CUBN: variants seen among roughly 807,000 people sequenced by gnomAD.
CUBN encodes the protein 460 kDa receptor.
In CUBN, 282 loss-of-function variants were observed where a neutral mutation model predicts 405.3. The observed-to-expected ratio is 0.70, with a 90% CI of 0.63 to 0.77. The LOEUF (loss-of-function observed/expected upper bound fraction) is 0.77, where lower values mean the gene tolerates loss of function less well. Among genes scored for constraint, CUBN ranks in the 30% least tolerant of loss-of-function variants. The pLI is 0.00. For synonymous variants in CUBN, 1,684 were observed against 1,617.0 expected (o/e 1.04, Z -0.99); for missense variants, 4,514 against 4,475.2 (o/e 1.01, Z -0.25).
At chr10:17,074,816 C>G (rs1287946196) in intron 17 of CUBN, among the ~76,000 whole-genome samples, 1 of 152,078 alleles carries the variant, frequency 6.6e-6, no homozygotes, top group African/African-American at 2.4e-5. Flanking sequence ...TAATGTTATT[C>G]TTACAACTTT....
At chr10:17,076,445 T>C (rs1835855061) in intron 17 of CUBN, among the ~76,000 whole-genome samples, 1 of 149,944 alleles carries the variant, frequency 6.7e-6, no homozygotes, top group African/African-American at 2.5e-5. Context: ...ATGTATTGCG[T>C]TCAATAATCT....
At position 16,907,781 on chromosome 10, in the gene CUBN, C is replaced by T. The variant is rs1228749710; in HGVS notation, c.7534-102G>A. ...CCAGACCCACTTCCTTTTATGGGAACCCTGCCCCAAAATGAATGACCTAAC... is the reference window on the plus strand; with the variant it reads ...CCAGACCCACTTCCTTTTATGGGAATCCTGCCCCAAAATGAATGACCTAAC... On this transcript the variant is annotated intron_variant, in intron 48 of 66. Transcript: ENST00000377833. The T allele has an allele frequency of 1.2e-5, 15 of 1,201,390 alleles. No individual in the cohort carries two copies. The Admixed American group carries it at 2.2e-4, about 17-fold the overall frequency. The allele number at this position is 1,201,390 out of a possible 1,614,324, so 74.4% of individuals were successfully genotyped here.
At chr10:17,088,133 T>C (rs1332655708) in intron 15 of CUBN, 31 bp downstream of exon 15, 8 of 1,550,138 alleles carry the variant, frequency 5.2e-6, no homozygotes, top group Non-Finnish European at 7.1e-6. Flanking sequence ...AATCATATTG[T>C]GATATGTTCT....
At chr10:16,975,970 C>CT (rs536882786) in intron 31 of CUBN, among the ~76,000 whole-genome samples, 44,603 of 131,930 alleles carry the variant, frequency 0.34, 8,397 homozygotes, top group African/African-American at 0.51. Context: ...ACCTTTATTC[C>CT]TTTTTTTTTT....
intron 60 of CUBN, among the ~76,000 whole-genome samples, chr10:16,849,517 C>G (rs998423534): frequency 6.6e-6 from 1 of 152,202 alleles, no homozygotes. Flanking sequence ...CTTGCTCTCA[C>G]CAAACCACAC....
intron 66 of CUBN, among the ~76,000 whole-genome samples, chr10:16,828,091 T>C (rs908707145): frequency 2.0e-5 from 3 of 152,138 alleles, no homozygotes; most frequent in African/African-American, 7.2e-5. Context: ...GTGTCCAAAT[T>C]TTCTACAGTT....
chr10:16,923,520 T>C (rs2131475084), intron 43 of CUBN, among the ~76,000 whole-genome samples: 1 of 152,184 alleles, frequency 6.6e-6, no homozygotes, highest in African/African-American at 2.4e-5. Context: ...AGTTGGTAAG[T>C]AGAGAGAAAT....
intron 27 of CUBN, among the ~76,000 whole-genome samples, chr10:17,028,367 C>CA (rs1834718583): frequency 6.6e-6 from 1 of 151,742 alleles, no homozygotes; most frequent in Admixed American, 6.6e-5. Flanking sequence ...TGGAAGAAGC[C>CA]AGAGGACTGC....
chr10:17,078,615 T>C (rs868192056), intron 17 of CUBN, among the ~76,000 whole-genome samples: 1 of 152,152 alleles, frequency 6.6e-6, no homozygotes, highest in Non-Finnish European at 1.5e-5. Context: ...TTCCCTAGCA[T>C]GGTGACTGAA....
At chr10:16,863,029 T>C (rs571785578) in intron 59 of CUBN, among the ~76,000 whole-genome samples, 50 of 152,342 alleles carry the variant, frequency 3.3e-4, no homozygotes, top group African/African-American at 1.2e-3. Flanking sequence ...AGTGTTGAAA[T>C]ATGTTTATTA....
At chr10:16,973,070 T>C (rs1335339735) in intron 31 of CUBN, among the ~76,000 whole-genome samples, 1 of 152,208 alleles carries the variant, frequency 6.6e-6, no homozygotes, top group African/African-American at 2.4e-5. Context: ...ACCTATAGGA[T>C]AATTTCAAAT....
At chr10:16,887,905 T>A (rs1252825152) in intron 56 of CUBN, among the ~76,000 whole-genome samples, 1 of 152,170 alleles carries the variant, frequency 6.6e-6, no homozygotes, top group East Asian at 1.9e-4. Context: ...TAAAAAAGAA[T>A]AAAATCTTGT....
At chr10:16,979,357 GA>G (rs1016312886) in intron 31 of CUBN, among the ~76,000 whole-genome samples, 16 of 152,024 alleles carry the variant, frequency 1.1e-4, no homozygotes, top group African/African-American at 3.4e-4. Flanking sequence ...ATTTCATGTG[GA>G]ACAAAAAAAG....
chr10:17,122,903 G>A lies in CUBN; in HGVS notation c.490-5C>T. 1 of 1,606,946 alleles carries A rather than the reference G, an allele frequency of 6.2e-7. No homozygotes were observed. Among genetic ancestry groups the A allele is most frequent in the South Asian group, 1.1e-5 (1 of 90,924 alleles). ...ATCAGCTGAGCAGAGAGGACCCTGT[G>A]ATCATATAAGGAACAAAGTCAGGTG... On this transcript the variant is annotated splice_region_variant and splice_polypyrimidine_tract_variant and intron_variant, in intron 5 of 66. Coordinates refer to ENST00000377833, the MANE Select transcript of CUBN (RefSeq NM_001081.4).
At chr10:16,935,376 C>T (rs1842471451) in intron 39 of CUBN, among the ~76,000 whole-genome samples, 1 of 151,932 alleles carries the variant, frequency 6.6e-6, no homozygotes, top group African/African-American at 2.4e-5. Flanking sequence ...TGGTCTCAAA[C>T]TCCTGGGCTT....
chr10:17,115,538 T>G lies in CUBN; in HGVS notation c.653A>C (p.Glu218Ala). ...PQCASKYDDC[E>A]GGSVARCVHG... is the part of the protein sequence containing the mutation. Reference sequence around the variant, plus strand: ...GACACAGCGTGCCACAGAACCCCCTTCACAGTCGTCATATTTGGATGCACA... The same window carrying G: ...GACACAGCGTGCCACAGAACCCCCTGCACAGTCGTCATATTTGGATGCACA... Residue 218 changes from glutamate to alanine, a missense_variant, in exon 7 of 67, where the codon GAA becomes GCA. Physicochemically the swap from Glu to Ala is moderately radical, Grantham distance 107. This residue lies in a region of CUBN where 1,448 missense variants were observed against 1,388.0 expected (regional missense o/e 1.04). Transcript: ENST00000377833. 1 of 1,614,118 alleles carries G rather than the reference T, an allele frequency of 6.2e-7. No homozygotes were observed.
At chr10:16,915,609 G>A (rs577217500) in intron 46 of CUBN, among the ~76,000 whole-genome samples, 1 of 152,142 alleles carries the variant, frequency 6.6e-6, no homozygotes, top group Admixed American at 6.5e-5. Flanking sequence ...TGGCCTCCAG[G>A]GTGGGCTATA....
intron 64 of CUBN, 85 bp from the exon 65 acceptor site, chr10:16,831,502 C>T (rs1838992526): frequency 2.4e-6 from 3 of 1,231,892 alleles, no homozygotes; most frequent in Middle Eastern, 2.1e-4. Context: ...TGAATGATGA[C>T]ATTGGTCGGA....
chr10:17,091,487 T>G (rs1464905653), intron 14 of CUBN, among the ~76,000 whole-genome samples: 1 of 152,254 alleles, frequency 6.6e-6, no homozygotes, highest in Non-Finnish European at 1.5e-5. Context: ...ATAGCTGATA[T>G]GAGTAACTTC....
Sources: gnomAD v4.1 joint callset for allele counts (sites outside exome capture counted in the v4.1 genomes callset) on GRCh38, gnomAD v4.1.1 for gene constraint, gnomAD v4.1.1 regional missense constraint, MANE v1.5 for transcripts, NCBI Gene and HGNC (gene_info 2026-07-23, HGNC 2026-07-21) for gene names.